Variants in ASB5 observed in about 807,000 individuals in gnomAD.
ASB5 encodes ankyrin repeat and SOCS box containing 5, also known as ankyrin repeat and SOCS box protein 5.
A neutral mutation model predicts 42.1 loss-of-function variants in ASB5; 45 were observed. The observed-to-expected ratio is 1.07, with a 90% CI of 0.84 to 1.37. ASB5 has a LOEUF of 1.37. Among genes scored for constraint, ASB5 ranks in the 40% most tolerant of loss-of-function variants. The pLI is 0.00. For missense variants in ASB5, 402 were observed against 399.8 expected (o/e 1.01, Z -0.05); for synonymous variants, 147 against 150.6 (o/e 0.98, Z 0.18).
intron 1 of ASB5, among the ~76,000 whole-genome samples, chr4:176,247,946 A>G (rs1017836908): frequency 5.3e-5 from 8 of 152,198 alleles, no homozygotes; most frequent in African/African-American, 1.9e-4. Flanking sequence ...TCTAAAACTC[A>G]ATTTTAAAAA....
chr4:176,269,180 G>T lies in ASB5; in HGVS notation c.-72C>A, dbSNP rs867879587. 1 of 1,395,790 alleles carries T rather than the reference G, an allele frequency of 7.2e-7. No individual in the cohort carries two copies. The highest frequency in any genetic ancestry group is 1.4e-5 in the African/African-American group (1 of 69,854). 86.5% of individuals were successfully genotyped at this position (1,395,790 alleles called of 1,614,324 possible). On this transcript the variant is annotated 5_prime_UTR_variant, in exon 1 of 7. Coordinates refer to ENST00000296525, the MANE Select transcript of ASB5 (RefSeq NM_080874.4). Reference sequence around the variant, plus strand: ...AATGTGCCTGGCTCTCGTCCGGGATGCTCCTGAACAGCTGGTCCTGAGGAA... The same window carrying T: ...AATGTGCCTGGCTCTCGTCCGGGATTCTCCTGAACAGCTGGTCCTGAGGAA...
At chr4:176,227,065 G>A (rs1393216227) in intron 1 of ASB5, among the ~76,000 whole-genome samples, 2 of 152,172 alleles carry the variant, frequency 1.3e-5, no homozygotes, top group African/African-American at 4.8e-5. Flanking sequence ...AAACCAAAAG[G>A]CAAAACAAAG....
At chr4:176,263,947 C>T (rs1754311142) in intron 1 of ASB5, among the ~76,000 whole-genome samples, 2 of 151,530 alleles carry the variant, frequency 1.3e-5, no homozygotes, top group Non-Finnish European at 2.9e-5. Flanking sequence ...ATCCAGGTTA[C>T]AGTATTCTCC....
chr4:176,233,987 C>A (rs568357230), intron 1 of ASB5, among the ~76,000 whole-genome samples: 5 of 152,126 alleles, frequency 3.3e-5, no homozygotes, highest in African/African-American at 1.2e-4. Context: ...ACCCACCAGG[C>A]GCACACCAGG....
intron 5 of ASB5, among the ~76,000 whole-genome samples, chr4:176,218,270 G>T (rs1753038443): frequency 2.6e-5 from 2 of 78,346 alleles, no homozygotes; most frequent in African/African-American, 5.1e-5. Flanking sequence ...ATATTTGTAT[G>T]ATATATAAAT....
intron 1 of ASB5, among the ~76,000 whole-genome samples, chr4:176,266,701 T>C (rs1274320945): frequency 6.6e-6 from 1 of 152,078 alleles, no homozygotes; most frequent in Non-Finnish European, 1.5e-5. Context: ...GATTAATGCA[T>C]GATATTAGAG....
rs1280367657 is a variant in ASB5 at position 176,214,846 on chromosome 4, C to T, written c.*754G>A. 2.6e-5 allele frequency: 4 copies of T among 152,004 alleles called. No individual in the cohort carries two copies. Among genetic ancestry groups the T allele is most frequent in the Admixed American group, 6.6e-5 (1 of 15,240 alleles). The allele number at this position is 152,004 out of a possible 1,614,324, so 9.4% of individuals were successfully genotyped here. A position where few individuals can be genotyped will look rare whatever the true frequency, so the allele number is the denominator to read the frequency against. ...GGCTGGAGTAATATGCATATAACCG[C>T]CTTGATAAGAGATCATCAGGGGCTA... On this transcript the variant is annotated 3_prime_UTR_variant, in exon 7 of 7. Transcript: ENST00000296525.
rs577660659 is a variant in ASB5, at chr4:176,215,553, G to T, written c.*47C>A. On this transcript the variant is annotated 3_prime_UTR_variant, in exon 7 of 7. Coordinates refer to ENST00000296525, the MANE Select transcript of ASB5 (RefSeq NM_080874.4). ...TATATGAACTATTCCTTAAGCAAAAGAAATAGAAATTTTGATTTTCAAGGT... is the reference window on the plus strand; with the variant it reads ...TATATGAACTATTCCTTAAGCAAAATAAATAGAAATTTTGATTTTCAAGGT... 1.8e-5 allele frequency: 28 copies of T among 1,571,894 alleles called. No homozygotes were observed. In the South Asian group the frequency reaches 2.8e-4, roughly 16 times the overall value.
chr4:176,259,844 G>A (rs574437797), intron 1 of ASB5, among the ~76,000 whole-genome samples: 1 of 152,308 alleles, frequency 6.6e-6, no homozygotes, highest in South Asian at 2.1e-4. Flanking sequence ...CTTCTGGAAA[G>A]AGTATGTGTA....
chr4:176,232,646 C>A (rs1390715825), intron 1 of ASB5, among the ~76,000 whole-genome samples: 2 of 152,188 alleles, frequency 1.3e-5, no homozygotes, highest in East Asian at 3.9e-4. Context: ...AATCACCAGG[C>A]ATTTACTAGC....
chr4:176,217,867 C>A lies in ASB5; in HGVS notation c.671-858G>T, dbSNP rs371227408. Among the ~76,000 whole-genome samples the A allele has an allele frequency of 5.5e-4, 84 of 152,042 alleles. 2 individuals are homozygous for A. The South Asian group carries it at 0.017, about 31-fold the overall frequency. On this transcript the variant is annotated intron_variant, in intron 5 of 6. Transcript: ENST00000296525. Reference sequence around the variant, plus strand: ...TTCTTTTCAACTCTGTTTTCCGATACTATCTTTAAAACTAATGATGTCTTC... The same window carrying A: ...TTCTTTTCAACTCTGTTTTCCGATAATATCTTTAAAACTAATGATGTCTTC...
intron 1 of ASB5, among the ~76,000 whole-genome samples, chr4:176,259,581 G>T (rs923021781): frequency 1.6e-4 from 25 of 152,196 alleles, no homozygotes; most frequent in Admixed American, 1.0e-3. Context: ...TTAGAAGAAG[G>T]ATTGCTTCCT....
chr4:176,258,382 C>A (rs1754196332), intron 1 of ASB5, among the ~76,000 whole-genome samples: 2 of 152,106 alleles, frequency 1.3e-5, no homozygotes, highest in African/African-American at 4.8e-5. Context: ...TTTTTAACCT[C>A]CATATTCTCT....
At chr4:176,273,997 G>T (rs1754521128), upstream of ASB5, among the ~76,000 whole-genome samples, 1 of 152,098 alleles carries the variant, frequency 6.6e-6, no homozygotes, top group Non-Finnish European at 1.5e-5. Context: ...CTCTCGAGAA[G>T]GTTACTTGAC....
intron 3 of ASB5, 35 bp downstream of exon 3, chr4:176,222,277 AG>A: frequency 6.5e-7 from 1 of 1,529,032 alleles, no homozygotes; most frequent in Non-Finnish European, 9.1e-7. Context: ...CTCCGTCAGT[AG>A]ATGTTAAATG....
chr4:176,248,783 C>T (rs1316635582), intron 1 of ASB5, among the ~76,000 whole-genome samples: 1 of 151,842 alleles, frequency 6.6e-6, no homozygotes, highest in Non-Finnish European at 1.5e-5. Context: ...TAAACCATAT[C>T]AATATGAGAT....
chr4:176,237,301 G>A (rs1753709896), intron 1 of ASB5: 3 of 985,844 alleles, frequency 3.0e-6, no homozygotes, highest in Non-Finnish European at 3.6e-6. Context: ...AACCTTGACT[G>A]GTCAGAATAC....
At chr4:176,225,099 G>A (rs1753338722) in intron 2 of ASB5, among the ~76,000 whole-genome samples, 163 bp downstream of exon 2, 1 of 152,254 alleles carries the variant, frequency 6.6e-6, no homozygotes, top group Non-Finnish European at 1.5e-5. Flanking sequence ...TATAAAAGAA[G>A]TTTCAAAGAT....
intron 1 of ASB5, among the ~76,000 whole-genome samples, chr4:176,255,387 T>G (rs1382017698): frequency 6.6e-6 from 1 of 152,148 alleles, no homozygotes; most frequent in Non-Finnish European, 1.5e-5. Context: ...AAGAAACTGT[T>G]CTAACAAAAA....
Sources: gnomAD v4.1 joint callset for allele counts (sites outside exome capture counted in the v4.1 genomes callset) on GRCh38, gnomAD v4.1.1 for gene constraint, MANE v1.5 for transcripts, NCBI Gene and HGNC (gene_info 2026-07-23, HGNC 2026-07-21) for gene names.